Variants in LPP observed in about 807,000 individuals in gnomAD.
The protein encoded by LPP is lipoma-preferred partner.
LPP carries 38 observed loss-of-function variants against 60.4 expected under a neutral mutation model. The observed-to-expected ratio is 0.63, with a 90% confidence interval of 0.49 to 0.83. The LOEUF (loss-of-function observed/expected upper bound fraction) is 0.83, where lower values mean the gene tolerates loss of function less well. Among genes scored for constraint, LPP ranks in the 40% least tolerant of loss-of-function variants. The pLI is 0.00. For synonymous variants in LPP, 328 were observed against 290.8 expected (o/e 1.13, Z -1.30); for missense variants, 902 against 783.6 (o/e 1.15, Z -1.80).
At chr3:188,220,229 C>T (rs749096979) in intron 1 of LPP, among the ~76,000 whole-genome samples, 2 of 151,962 alleles carry the variant, frequency 1.3e-5, no homozygotes, top group African/African-American at 2.4e-5. Context: ...AATCTGGAAT[C>T]GTCAACAATT....
intron 4 of LPP, among the ~76,000 whole-genome samples, chr3:188,475,526 C>G (rs748191092): frequency 5.3e-5 from 8 of 152,084 alleles, no homozygotes; most frequent in Non-Finnish European, 1.0e-4. Context: ...GTAGACAACC[C>G]CTGTTAACAT....
intron 3 of LPP, among the ~76,000 whole-genome samples, chr3:188,403,484 G>A (rs562508804): frequency 6.5e-4 from 99 of 152,232 alleles, no homozygotes; most frequent in Middle Eastern, 3.4e-3. Context: ...TACTACCAAT[G>A]TGCATAATGC....
chr3:188,390,250 G>T (rs1246528726), intron 3 of LPP, among the ~76,000 whole-genome samples: 1 of 151,912 alleles, frequency 6.6e-6, no homozygotes, highest in African/African-American at 2.4e-5. Flanking sequence ...CTTCTCTTTT[G>T]GACATCATTG....
At chr3:188,651,896 CT>C (rs1320413859) in intron 7 of LPP, among the ~76,000 whole-genome samples, 2 of 152,108 alleles carry the variant, frequency 1.3e-5, no homozygotes, top group African/African-American at 4.8e-5. Flanking sequence ...TATCCATTAT[CT>C]TTTTGGTCTT....
At chr3:188,853,616 C>T (rs1196650731) in intron 9 of LPP, among the ~76,000 whole-genome samples, 1 of 152,100 alleles carries the variant, frequency 6.6e-6, no homozygotes, top group Non-Finnish European at 1.5e-5. Flanking sequence ...AGGACAGCAT[C>T]CTGAAGGGCC....
rs1770843554 is a variant in LPP at position 188,887,728 on chromosome 3, G to A, written c.*13249G>A. 4.8e-6 allele frequency: 1 copy of A among 210,010 alleles called. No homozygotes were observed. The highest frequency in any genetic ancestry group is 5.9e-5 in the Admixed American group (1 of 16,920). The allele number at this position is 210,010 out of a possible 1,614,324, so 13.0% of individuals were successfully genotyped here. A position where few individuals can be genotyped will look rare whatever the true frequency, so the allele number is the denominator to read the frequency against. ...GCATAATGGAGAAGTCTGAACTGAG[G>A]AGTATCTTTGATGAAAGACATTTAG... On this transcript the variant is annotated 3_prime_UTR_variant, in exon 12 of 12. Coordinates refer to ENST00000617246, the MANE Select transcript of LPP (RefSeq NM_001375462.1).
chr3:188,240,705 A>C (rs1724210904), intron 2 of LPP, among the ~76,000 whole-genome samples: 1 of 152,308 alleles, frequency 6.6e-6, no homozygotes, highest in South Asian at 2.1e-4. Context: ...ATAACACATC[A>C]ACCTTCTTTG....
chr3:188,615,806 T>C (rs1249841277), intron 7 of LPP, among the ~76,000 whole-genome samples: 2 of 152,212 alleles, frequency 1.3e-5, no homozygotes, highest in African/African-American at 4.8e-5. Flanking sequence ...TATCTCATTG[T>C]TGTTTTGATT....
intron 1 of LPP, among the ~76,000 whole-genome samples, chr3:188,220,603 G>T (rs1426995851): frequency 6.6e-6 from 1 of 152,190 alleles, no homozygotes; most frequent in African/African-American, 2.4e-5. Flanking sequence ...AGTACAAGCT[G>T]GGTAGGCCTC....
chr3:188,678,207 C>T (rs1332262063), intron 7 of LPP, among the ~76,000 whole-genome samples: 1 of 152,232 alleles, frequency 6.6e-6, no homozygotes, highest in African/African-American at 2.4e-5. Context: ...ATGCTGCTCT[C>T]TTACAACACG....
chr3:188,812,442 A>T (rs1751260919), intron 9 of LPP, among the ~76,000 whole-genome samples: 1 of 152,222 alleles, frequency 6.6e-6, no homozygotes, highest in African/African-American at 2.4e-5. Flanking sequence ...ATGTAATCAG[A>T]ACATAAAAAG....
chr3:188,417,537 G>A (rs904199836), intron 4 of LPP, among the ~76,000 whole-genome samples: 4 of 152,088 alleles, frequency 2.6e-5, no homozygotes, highest in South Asian at 2.1e-4. Flanking sequence ...GGGCTCCTGG[G>A]AATAGCTTTG....
At chr3:188,393,621 G>C (rs1780218076) in intron 3 of LPP, among the ~76,000 whole-genome samples, 1 of 152,174 alleles carries the variant, frequency 6.6e-6, no homozygotes, top group East Asian at 1.9e-4. Context: ...ATAAATTGGA[G>C]ATGTATGGTC....
chr3:188,350,025 A>ACCTCCAATT (rs1290685106), intron 3 of LPP, among the ~76,000 whole-genome samples: 1 of 152,126 alleles, frequency 6.6e-6, no homozygotes, highest in Non-Finnish European at 1.5e-5. Flanking sequence ...GGCTGAAACC[A>ACCTCCAATT]TTTTGCTTGC....
intron 9 of LPP, among the ~76,000 whole-genome samples, chr3:188,822,850 G>A (rs943707196): frequency 3.3e-5 from 5 of 152,120 alleles, no homozygotes; most frequent in Admixed American, 2.6e-4. Context: ...ATATGTACAG[G>A]AAATTCTTTC....
chr3:188,633,361 T>C (rs750767287), intron 7 of LPP, among the ~76,000 whole-genome samples: 7 of 152,232 alleles, frequency 4.6e-5, no homozygotes, highest in Non-Finnish European at 8.8e-5. Flanking sequence ...CTTCTTGCTG[T>C]AATTTGAGAA....
At chr3:188,675,071 A>G (rs1400999242) in intron 7 of LPP, among the ~76,000 whole-genome samples, 1 of 3,122 alleles carries the variant, frequency 3.2e-4, no homozygotes, top group Non-Finnish European at 4.0e-3. Context: ...TTTTGAAGAA[A>G]TTTCTCCCAC....
At position 188,193,586 on chromosome 3, in the gene LPP, T is replaced by C. The variant is rs552353870; in HGVS notation, c.-189-31819T>C. Among the ~76,000 whole-genome samples the C allele has an allele frequency of 7.7e-4, 118 of 152,364 alleles. 1 individual carries two copies. The highest frequency in any genetic ancestry group is 2.6e-3 in the African/African-American group (110 of 41,592). ...TTCCACTGTTCCTTACAGGACATGA[T>C]ATTTGCACAAGTCTGACCTCTGTTG... On this transcript the variant is annotated intron_variant, in intron 1 of 11. Transcript: ENST00000617246.
chr3:188,269,214 T>C (rs2306376), intron 2 of LPP, among the ~76,000 whole-genome samples: 17,286 of 152,256 alleles, frequency 0.11, 1,311 homozygotes, highest in African/African-American at 0.21. Flanking sequence ...ATCTTTATGC[T>C]GTTCCTTCTA....
Sources: gnomAD v4.1 joint callset for allele counts (sites outside exome capture counted in the v4.1 genomes callset) on GRCh38, gnomAD v4.1.1 for gene constraint, MANE v1.5 for transcripts, NCBI Gene and HGNC (gene_info 2026-07-23, HGNC 2026-07-21) for gene names.